Variants in KCNC4 observed in about 807,000 individuals in gnomAD.
KCNC4 encodes the protein potassium voltage-gated channel subfamily C member 4.
In KCNC4, 23 loss-of-function variants were observed where a neutral mutation model predicts 42.8. The observed-to-expected ratio is 0.54, with a 90% confidence interval of 0.39 to 0.76. The LOEUF (loss-of-function observed/expected upper bound fraction) is 0.76. Among genes scored for constraint, KCNC4 ranks in the 30% least tolerant of loss-of-function variants. The probability of loss-of-function intolerance (pLI) is 0.00; values close to 1 mark genes in which losing one functional copy is unlikely to be tolerated. For missense variants in KCNC4, 751 were observed against 898.2 expected (o/e 0.84, Z 2.10); for synonymous variants, 422 against 393.5 (o/e 1.07, Z -0.86).
Position 110,266,087 on chromosome 1 carries a change from T to G in KCNC4, n.31-16447T>G, listed in dbSNP as rs561378280. Among the ~76,000 whole-genome samples, 5 of 150,338 alleles carry G rather than the reference T, an allele frequency of 3.3e-5. No homozygotes were observed. In the East Asian group the frequency reaches 7.7e-4, roughly 23 times the overall value. ...GAGGCACTGTGGAGCATTTAATAGATGCAGGCATTCTTCTGCTTAAGTACA... is the reference window on the plus strand; with the variant it reads ...GAGGCACTGTGGAGCATTTAATAGAGGCAGGCATTCTTCTGCTTAAGTACA... On this transcript the variant is annotated intron_variant and non_coding_transcript_variant, in intron 1 of 2. Coordinates refer to the KCNC4 transcript ENST00000412512.
intron 1 of KCNC4, among the ~76,000 whole-genome samples, chr1:110,274,393 C>A (rs1346620345): frequency 2.0e-5 from 3 of 152,166 alleles, no homozygotes; most frequent in South Asian, 2.1e-4. Flanking sequence ...ATAACTCATG[C>A]TCATAGATTG....
In KCNC4 at chr1:110,226,109, A is replaced by G. The variant is rs1366578064; in HGVS notation, c.1750A>G (p.Lys584Glu). ...LRRSTTRDRN[K>E]KAAACFLLST... ...ACGCTCCACCACTCGAGACAGAAAC[A>G]AGAAGGCAGCTGCCTGCTTCCTGCT... Residue 584 changes from lysine to glutamate, a missense_variant, in exon 3 of 4, where the codon AAG (lysine) becomes GAG (glutamate). Physicochemically the swap from Lys to Glu is moderately conservative, Grantham distance 56 (BLOSUM62 1). Around this residue, in one of 4 missense-constraint regions of KCNC4, gnomAD observed 202 missense variants for 181.5 expected, o/e 1.11. Coordinates refer to ENST00000438661, the MANE Select transcript of KCNC4 (RefSeq NM_001039574.3). 1.2e-6 allele frequency: 2 copies of G among 1,613,958 alleles called. No homozygotes were observed. The highest frequency in any genetic ancestry group is 1.7e-6 in the Non-Finnish European group (2 of 1,180,024).
At chr1:110,226,590 C>T (rs568834866) in intron 3 of KCNC4, among the ~76,000 whole-genome samples, 112 of 152,320 alleles carry the variant, frequency 7.4e-4, no homozygotes, top group African/African-American at 2.3e-3. Context: ...GGTGACCCCT[C>T]GAGGTGCCAA....
In KCNC4 at chr1:110,233,811, C is replaced by G. The variant is rs1658831607; in HGVS notation, c.*839C>G. ...CTTCCTGGTCAGTGGCCAGAGGATG[C>G]GTGCAATAGCAGAGGCCAGGTGACC... On this transcript the variant is annotated 3_prime_UTR_variant, in exon 4 of 4. Coordinates refer to ENST00000438661, the MANE Select transcript of KCNC4 (RefSeq NM_001039574.3). 6.6e-6 allele frequency: 1 copy of G among 152,304 alleles called. No homozygotes were observed. The highest frequency in any genetic ancestry group is 2.4e-5 in the African/African-American group (1 of 41,444). The allele number at this position is 152,304 out of a possible 1,614,324, so 9.4% of individuals were successfully genotyped here.
chr1:110,232,872 T>G, intron 3 of KCNC4, 39 bp from the exon 4 acceptor site: 1 of 1,591,712 alleles, frequency 6.3e-7, no homozygotes, highest in Non-Finnish European at 8.6e-7. Context: ...GCCGAAAGCG[T>G]GCGTCCCAGT....
downstream of KCNC4, among the ~76,000 whole-genome samples, chr1:110,250,159 C>G (rs1446666741): frequency 2.0e-5 from 3 of 152,172 alleles, no homozygotes; most frequent in East Asian, 3.9e-4. Flanking sequence ...CCCGGGCTCC[C>G]CCACCTCCCT....
Position 110,223,620 on chromosome 1 carries a change from G to A in KCNC4, c.1335G>A (p.Lys445=), listed in dbSNP as rs371967697. ...TGGGCTACGGAGACATGTACCCCAA[G>A]ACGTGGTCAGGCATGCTGGTAGGGG... ...TTLGYGDMYP[K]TWSGMLVGAL... Residue 445 remains lysine (K), a synonymous_variant, in exon 2 of 4, where the codon AAG becomes AAA. Transcript: ENST00000438661. The surrounding 1 kb of genome is among the most constrained non-coding windows in gnomAD (Gnocchi z 7.5). The A allele has an allele frequency of 3.1e-6, 5 of 1,614,144 alleles. No homozygotes were observed. The African/African-American group carries it at 6.7e-5, about 22-fold the overall frequency.
chr1:110,275,307 T>G (rs1156939626), intron 1 of KCNC4, among the ~76,000 whole-genome samples: 1 of 152,160 alleles, frequency 6.6e-6, no homozygotes, highest in Admixed American at 6.5e-5. Context: ...AAAACCACAA[T>G]GAAGTATCAT....
At chr1:110,248,562 T>G (rs1659196966) in exon 4 of KCNC4, 2 of 152,208 alleles carry the variant, frequency 1.3e-5, no homozygotes, top group South Asian at 4.1e-4. Context: ...TTTAAAAAAT[T>G]ATTTTGGCGT....
Position 110,222,984 on chromosome 1 carries a change from C to A in KCNC4, c.699C>A (p.Leu233=), listed in dbSNP as rs775729064. 50 of 1,613,606 alleles carry A rather than the reference C, an allele frequency of 3.1e-5. No individual in the cohort carries two copies. Among genetic ancestry groups the A allele is most frequent in the Non-Finnish European group, 5.1e-6 (6 of 1,179,646 alleles). ...RAARVVAFAS[L]FFILVSITTF... Reference sequence around the variant, plus strand: ...CATAGGTAGTGGCCTTTGCCTCTCTCTTCTTCATCCTGGTCTCCATCACCA... The same window carrying A: ...CATAGGTAGTGGCCTTTGCCTCTCTATTCTTCATCCTGGTCTCCATCACCA... Residue 233 remains leucine (L), a synonymous_variant, in exon 2 of 4, where the codon CTC becomes CTA. Coordinates refer to ENST00000438661, the MANE Select transcript of KCNC4 (RefSeq NM_001039574.3).
intron 1 of KCNC4, among the ~76,000 whole-genome samples, chr1:110,214,071 C>T (rs1657650071): frequency 6.6e-6 from 1 of 152,184 alleles, no homozygotes; most frequent in Non-Finnish European, 1.5e-5. Context: ...AATGGCCAAG[C>T]CAGGGGGCCT....
chr1:110,268,829 T>G (rs1388414289), intron 1 of KCNC4, among the ~76,000 whole-genome samples: 1 of 149,842 alleles, frequency 6.7e-6, no homozygotes, highest in Non-Finnish European at 1.5e-5. Context: ...CCGAGTTCAC[T>G]CCATTCTCCT....
intron 1 of KCNC4, among the ~76,000 whole-genome samples, chr1:110,259,230 T>A (rs1254807234): frequency 2.0e-5 from 3 of 152,188 alleles, no homozygotes; most frequent in Non-Finnish European, 4.4e-5. Context: ...CAGCTCAGCA[T>A]GTGACTAGGG....
downstream of KCNC4, among the ~76,000 whole-genome samples, chr1:110,252,427 G>T (rs1659264050): frequency 6.6e-6 from 1 of 152,136 alleles, no homozygotes; most frequent in Admixed American, 6.5e-5. Context: ...AAAACCTGTG[G>T]TTGGGCCTGG....
chr1:110,213,132 G>A (rs1439771496), intron 1 of KCNC4, among the ~76,000 whole-genome samples: 1 of 139,130 alleles, frequency 7.2e-6, no homozygotes, highest in African/African-American at 2.8e-5. Flanking sequence ...TGAAAGGGGA[G>A]AACGGGGGAG....
downstream of KCNC4, chr1:110,236,712 G>C (rs1472066874): frequency 6.6e-6 from 1 of 152,124 alleles, no homozygotes; most frequent in Non-Finnish European, 1.5e-5. Context: ...CACAGAAGTG[G>C]GTAAGTGGGG....
intron 1 of KCNC4, among the ~76,000 whole-genome samples, chr1:110,218,537 T>C (rs539366642): frequency 6.6e-6 from 1 of 152,110 alleles, no homozygotes; most frequent in Middle Eastern, 3.4e-3. Context: ...TGACATACTG[T>C]GTATTTTGCT....
chr1:110,223,781 C>T lies in KCNC4; in HGVS notation c.1496C>T (p.Pro499Leu), dbSNP rs367634024. 34 of 1,614,046 alleles carry T rather than the reference C, an allele frequency of 2.1e-5. No homozygotes were observed. In the Middle Eastern group the frequency reaches 4.9e-4, roughly 23 times the overall value. The stretch of plus-strand genomic sequence containing the variant: ...AAACGGAAGAAGCACGTGCCACGGC[C>T]GGCGCAGCTGGAGTCACCCATGTAC... ...PKKRKKHVPR[P>L]AQLESPMYCK... The change falls in exon 2 of 4, where the codon CCG becomes CTG. Residue 499 changes from proline (P) to leucine (L), a missense_variant. Physicochemically the swap from Pro to Leu is moderately conservative, Grantham distance 98. This residue lies in a region of KCNC4 where 202 missense variants were observed against 181.5 expected (regional missense o/e 1.11). Transcript: ENST00000438661. The surrounding 1 kb of genome is among the most constrained non-coding windows in gnomAD (Gnocchi z 7.5).
chr1:110,213,171 A>T (rs924175434), intron 1 of KCNC4, among the ~76,000 whole-genome samples: 2 of 32,128 alleles, frequency 6.2e-5, no homozygotes, highest in South Asian at 6.2e-4. Context: ...TTCGACAGCT[A>T]AAAAAAAAAA....
Sources: allele counts gnomAD v4.1 joint callset (sites outside exome capture counted in the v4.1 genomes callset), GRCh38; gene constraint gnomAD v4.1.1; regional missense constraint gnomAD v4.1.1; non-coding constraint Gnocchi (gnomAD v3.1); transcripts MANE v1.5; gene names NCBI Gene and HGNC (gene_info 2026-07-23, HGNC 2026-07-21).